The following CD36 variants were observed in gnomAD, a reference collection of about 807,000 sequenced individuals.
CD36 encodes CD36 molecule (CD36 blood group), also known as platelet glycoprotein 4.
A neutral mutation model predicts 55.2 loss-of-function variants in CD36; 119 were observed. The ratio of observed to expected loss-of-function variants is 2.15; its 90% CI spans 1.86 to 2.51. The LOEUF (loss-of-function observed/expected upper bound fraction) is 2.51. Among genes scored for constraint, CD36 ranks in the 30% most tolerant of loss-of-function variants. CD36 has a pLI of 0.00. For synonymous variants in CD36, 186 were observed against 193.6 expected (o/e 0.96, Z 0.33); for missense variants, 819 against 555.5 (o/e 1.47, Z -4.77).
At chr7:80,673,499 A>AGCTATATGTATTTC in intron 13 of CD36, 90 bp downstream of exon 13, 1 of 813,438 alleles carries the variant, frequency 1.2e-6, no homozygotes, top group Admixed American at 1.8e-5. Flanking sequence ...TAGTATTTAA[A>AGCTATATGTATTTC]GCTATATGTA....
At chr7:80,614,638 C>A (rs572331135) in intron 1 of CD36, among the ~76,000 whole-genome samples, 3 of 152,192 alleles carry the variant, frequency 2.0e-5, no homozygotes, top group African/African-American at 7.2e-5. Flanking sequence ...AATTCCCCAC[C>A]ATGACACTGA....
intron 12 of CD36, 128 bp downstream of exon 12, chr7:80,672,971 G>GA: frequency 1.4e-6 from 1 of 708,430 alleles, no homozygotes; most frequent in South Asian, 1.6e-5. Context: ...TTAGCTTAAT[G>GA]TCACCAATCA....
At chr7:80,610,527 A>G (rs1350575429) in intron 1 of CD36, among the ~76,000 whole-genome samples, 10 of 151,756 alleles carry the variant, frequency 6.6e-5, no homozygotes. Context: ...TCTTCTTTTG[A>G]ACATATTTTA....
chr7:80,634,089 C>T (rs1794244562), upstream of CD36, among the ~76,000 whole-genome samples: 1 of 151,782 alleles, frequency 6.6e-6, no homozygotes, highest in African/African-American at 2.4e-5. Context: ...AGAGTATAGG[C>T]CCTTCAGTCA....
At chr7:80,666,386 G>T in intron 7 of CD36, 57 bp from the exon 8 acceptor site, 4 of 1,124,920 alleles carry the variant, frequency 3.6e-6, no homozygotes, top group Non-Finnish European at 4.0e-6. Flanking sequence ...AAAAAGTAAT[G>T]TAAGAAAGGT....
At chr7:80,648,539 G>GT (rs1795351409) in intron 3 of CD36, among the ~76,000 whole-genome samples, 1 of 146,102 alleles carries the variant, frequency 6.8e-6, no homozygotes, top group African/African-American at 2.6e-5. Context: ...TTATCTTTAT[G>GT]CTTATAATAG....
chr7:80,607,183 C>G (rs114995555), intron 1 of CD36, among the ~76,000 whole-genome samples: 2 of 152,098 alleles, frequency 1.3e-5, no homozygotes, highest in African/African-American at 4.8e-5. Context: ...TGCAAAACTT[C>G]TGTACATAGT....
At chr7:80,615,376 C>T (rs1245132845) in intron 1 of CD36, among the ~76,000 whole-genome samples, 1 of 152,144 alleles carries the variant, frequency 6.6e-6, no homozygotes, top group Non-Finnish European at 1.5e-5. Context: ...CTGGTATCCA[C>T]CTGTTTTCCT....
intron 1 of CD36, chr7:80,626,032 G>T (rs1457043059): frequency 6.6e-6 from 1 of 152,076 alleles, no homozygotes; most frequent in Non-Finnish European, 1.5e-5. Context: ...CAGGGGATCT[G>T]CCATTGAGTT....
intron 1 of CD36, among the ~76,000 whole-genome samples, chr7:80,615,745 C>T (rs1014028197): frequency 6.6e-6 from 1 of 152,156 alleles, no homozygotes; most frequent in African/African-American, 2.4e-5. Flanking sequence ...CTTTACTCTT[C>T]AGAATTTCTC....
chr7:80,617,597 G>A (rs1006877892), intron 1 of CD36, among the ~76,000 whole-genome samples: 3 of 151,808 alleles, frequency 2.0e-5, no homozygotes, highest in South Asian at 2.1e-4. Context: ...CATGGTGGCA[G>A]GTGCTTGTAG....
intron 1 of CD36, among the ~76,000 whole-genome samples, chr7:80,623,196 C>T (rs966775272): frequency 7.9e-5 from 12 of 151,972 alleles, no homozygotes; most frequent in Non-Finnish European, 1.5e-4. Flanking sequence ...GGCTAGGGAC[C>T]AGCTCTAGAA....
chr7:80,662,752 G>A (rs1479872684), intron 5 of CD36, among the ~76,000 whole-genome samples: 1 of 152,066 alleles, frequency 6.6e-6, no homozygotes, highest in African/African-American at 2.4e-5. Context: ...TAAGTGTATC[G>A]TTAAATAAAT....
In CD36 at chr7:80,677,207, C is replaced by T. The variant is rs1798191038; in HGVS notation, c.*824C>T. 6.6e-6 allele frequency: 1 copy of T among 152,158 alleles called. No individual in the cohort carries two copies. The highest frequency in any genetic ancestry group is 2.1e-4 in the South Asian group (1 of 4,830). The allele number at this position is 152,158 out of a possible 1,614,324, so 9.4% of individuals were successfully genotyped here. On this transcript the variant is annotated 3_prime_UTR_variant, in exon 15 of 15. Coordinates refer to ENST00000447544, the MANE Select transcript of CD36 (RefSeq NM_001001548.3). ...TGAAGAACAAAAAGACATTTGGTTT[C>T]ATCCTTTACAGCAGTAGGACAATTG...
Position 80,661,143 on chromosome 7 carries a change from T to C in CD36, c.362T>C (p.Ile121Thr), listed in dbSNP as rs145624370. 10 of 1,614,006 alleles carry C rather than the reference T, an allele frequency of 6.2e-6. No individual in the cohort carries two copies. The African/African-American group carries it at 1.3e-4, about 22-fold the overall frequency. Reference sequence around the variant, plus strand: ...TCTTTCCTGCAGCCCAATGGTGCCATCTTCGAACCTTCACTATCAGTTGGA... The same window carrying C: ...TCTTTCCTGCAGCCCAATGGTGCCACCTTCGAACCTTCACTATCAGTTGGA... ...TVSFLQPNGA[I>T]FEPSLSVGTE... The change falls in exon 5 of 15, where the codon ATC becomes ACC. Residue 121 changes from isoleucine (I) to threonine (T), a missense_variant. Ile to Thr is a moderately conservative substitution (Grantham distance 89). Transcript: ENST00000447544.
At position 80,671,143 on chromosome 7, in the gene CD36, G is replaced by A; in HGVS notation, c.985G>A (p.Asp329Asn). The A allele has an allele frequency of 6.2e-7, 1 of 1,611,266 alleles. No individual in the cohort carries two copies. Among genetic ancestry groups the A allele is most frequent in the Non-Finnish European group, 8.5e-7 (1 of 1,178,112 alleles). Residue 329 changes from aspartate to asparagine, a missense_variant, in exon 10 of 15, where the codon GAC becomes AAC. Physicochemically the swap from Asp to Asn is conservative, Grantham distance 23 (BLOSUM62 1). Coordinates refer to ENST00000447544, the MANE Select transcript of CD36 (RefSeq NM_001001548.3). The stretch of plus-strand genomic sequence containing the variant: ...AAATTGTACATCATATGGTGTGCTA[G>A]ACATCAGCAAATGCAAAGAAGGTGA... ...SKNCTSYGVL[D>N]ISKCKEGRPV...
In CD36 at chr7:80,679,026, G is replaced by C. The variant is rs1235397713; in HGVS notation, c.*2643G>C. The C allele has an allele frequency of 1.3e-5, 2 of 152,100 alleles. No homozygotes were observed. The highest frequency in any genetic ancestry group is 2.9e-5 in the Non-Finnish European group (2 of 68,058). 9.4% of individuals were successfully genotyped at this position (152,100 alleles called of 1,614,324 possible). On this transcript the variant is annotated 3_prime_UTR_variant, in exon 15 of 15. Coordinates refer to ENST00000447544, the MANE Select transcript of CD36 (RefSeq NM_001001548.3). ...TCTCTTCACCTGCCCCTTGTGGCCT[G>C]TCTACAATTCTAAATGGATTTTGAA...
At position 80,678,018 on chromosome 7, in the gene CD36, A is replaced by G. The variant is rs1045038674; in HGVS notation, c.*1635A>G. On this transcript the variant is annotated 3_prime_UTR_variant, in exon 15 of 15. Coordinates refer to ENST00000447544, the MANE Select transcript of CD36 (RefSeq NM_001001548.3). Reference sequence around the variant, plus strand: ...ATATACAAAGACAACGAGATTAAAAATATGCAGTAGGAAAAATAATTACTT... The same window carrying G: ...ATATACAAAGACAACGAGATTAAAAGTATGCAGTAGGAAAAATAATTACTT... The G allele has an allele frequency of 6.6e-6, 1 of 152,198 alleles. No homozygotes were observed. The highest frequency in any genetic ancestry group is 2.4e-5 in the African/African-American group (1 of 41,450). 9.4% of individuals were successfully genotyped at this position (152,198 alleles called of 1,614,324 possible).
Position 80,613,789 on chromosome 7 carries a change from T to G in CD36, c.-184+11410T>G, listed in dbSNP as rs545274403. Among the ~76,000 whole-genome samples the G allele has an allele frequency of 3.9e-5, 6 of 152,278 alleles. No homozygotes were observed. In the South Asian group the frequency reaches 1.2e-3, roughly 32 times the overall value. ...TAGAGTAGGATCCTGATAACTGAGT[T>G]GATTCCTTGTTAACAGTAATAAAAG... On this transcript the variant is annotated intron_variant, in intron 1 of 13. Coordinates refer to the CD36 transcript ENST00000309881.
Sources: gnomAD v4.1 joint callset for allele counts (sites outside exome capture counted in the v4.1 genomes callset) on GRCh38, gnomAD v4.1.1 for gene constraint, MANE v1.5 for transcripts, NCBI Gene and HGNC (gene_info 2026-07-23, HGNC 2026-07-21) for gene names.